Variants in LIN28B observed in about 807,000 individuals in gnomAD.
LIN28B encodes the protein protein lin-28 homolog B.
A neutral mutation model predicts 21.9 loss-of-function variants in LIN28B; 5 were observed. That is an observed-to-expected ratio of 0.23 (90% CI 0.12 to 0.48). The LOEUF (loss-of-function observed/expected upper bound fraction) is 0.48, where lower values mean the gene tolerates loss of function less well. Among genes scored for constraint, LIN28B ranks in the 20% least tolerant of loss-of-function variants. LIN28B has a pLI of 0.98. For missense variants in LIN28B, 245 were observed against 310.5 expected (o/e 0.79, Z 1.58); for synonymous variants, 109 against 111.3 (o/e 0.98, Z 0.13).
intron 2 of LIN28B, among the ~76,000 whole-genome samples, chr6:105,020,779 G>A (rs756642233): frequency 7.2e-5 from 8 of 110,952 alleles, no homozygotes; most frequent in Non-Finnish European, 1.3e-4. Flanking sequence ...TTGAGACGAA[G>A]TCTCGCTCTG....
chr6:105,043,169 A>G (rs1471072050), intron 3 of LIN28B, among the ~76,000 whole-genome samples: 4 of 151,972 alleles, frequency 2.6e-5, no homozygotes, highest in Non-Finnish European at 5.9e-5. Context: ...GCTCATGCCT[A>G]TAATCCCAGC....
upstream of LIN28B, among the ~76,000 whole-genome samples, chr6:104,956,444 CA>C (rs1196676315): frequency 6.6e-6 from 1 of 152,096 alleles, no homozygotes; most frequent in African/African-American, 2.4e-5. Flanking sequence ...TACCTAAACA[CA>C]ATTTGACTAT....
intron 3 of LIN28B, among the ~76,000 whole-genome samples, chr6:105,053,390 TGTGTG>T (rs1295932295): frequency 2.0e-5 from 3 of 151,296 alleles, no homozygotes; most frequent in Non-Finnish European, 3.0e-5. Context: ...ATGGTGTGTG[TGTGTG>T]TGTGTGTGTG....
At chr6:104,992,514 G>GTGTGTGTGT (rs1221284024) in intron 2 of LIN28B, among the ~76,000 whole-genome samples, 1 of 139,602 alleles carries the variant, frequency 7.2e-6, no homozygotes, top group Non-Finnish European at 1.5e-5. Flanking sequence ...GTGTGTGTGT[G>GTGTGTGTGT]TTTTTTTTTT....
intron 2 of LIN28B, among the ~76,000 whole-genome samples, chr6:104,962,943 C>G (rs942239410): frequency 1.3e-5 from 2 of 152,092 alleles, no homozygotes; most frequent in Admixed American, 6.5e-5. Context: ...TGGTTTATAA[C>G]CTACCAGATT....
chr6:105,068,364 C>A lies in LIN28B; in HGVS notation c.384-10050C>A, dbSNP rs1149284. On this transcript the variant is annotated intron_variant, in intron 3 of 3. Transcript: ENST00000345080. ...AATGAATATTATAAGCAGTTGAATC[C>A]ACTAGCAGACAATGTGTCTAGTTAA... Among the ~76,000 whole-genome samples, 843 of 152,232 alleles carry A rather than the reference C, an allele frequency of 5.5e-3. 9 individuals carry two copies. The highest frequency in any genetic ancestry group is 0.019 in the African/African-American group (806 of 41,550).
chr6:104,956,436 C>T (rs1041501636), upstream of LIN28B, among the ~76,000 whole-genome samples: 5 of 152,122 alleles, frequency 3.3e-5, no homozygotes, highest in African/African-American at 9.7e-5. Context: ...AAATGGTTTA[C>T]CTAAACACAA....
At chr6:105,029,337 C>CGATT (rs1771368343) in intron 3 of LIN28B, among the ~76,000 whole-genome samples, 1 of 152,034 alleles carries the variant, frequency 6.6e-6, no homozygotes, top group Admixed American at 6.6e-5. Context: ...GAGAGGAGAA[C>CGATT]GATTACTGGA....
intron 2 of LIN28B, among the ~76,000 whole-genome samples, chr6:104,969,960 T>C (rs965665912): frequency 6.6e-6 from 1 of 152,166 alleles, no homozygotes; most frequent in African/African-American, 2.4e-5. Context: ...AGTATACAGC[T>C]CTGGTTCAGG....
chr6:105,052,819 A>T (rs1394308794), intron 3 of LIN28B, among the ~76,000 whole-genome samples: 1 of 151,942 alleles, frequency 6.6e-6, no homozygotes, highest in Non-Finnish European at 1.5e-5. Context: ...TTCATTTTTT[A>T]AAAATCCTTT....
intron 3 of LIN28B, among the ~76,000 whole-genome samples, chr6:105,053,722 T>TGTGTGTGTGA (rs1375353524): frequency 4.0e-5 from 6 of 151,558 alleles, no homozygotes; most frequent in African/African-American, 1.5e-4. Context: ...TGCGTGTGTG[T>TGTGTGTGTGA]GTGTGTGTGT....
At chr6:105,027,236 A>T (rs191059120) in intron 3 of LIN28B, among the ~76,000 whole-genome samples, 60 of 152,236 alleles carry the variant, frequency 3.9e-4, no homozygotes, top group African/African-American at 1.4e-3. Flanking sequence ...TTCAATACCT[A>T]GTTCTAAACT....
chr6:105,042,454 T>C (rs1771657699), intron 3 of LIN28B, among the ~76,000 whole-genome samples: 1 of 152,222 alleles, frequency 6.6e-6, no homozygotes. Context: ...TATGTTTCTT[T>C]ACTTTTTTCC....
chr6:104,956,326 G>A (rs972204336), upstream of LIN28B, among the ~76,000 whole-genome samples: 2 of 152,080 alleles, frequency 1.3e-5, no homozygotes, highest in African/African-American at 4.8e-5. Flanking sequence ...AAACTGGGCT[G>A]TTATTTAGGA....
chr6:104,996,000 A>G (rs2114280096), intron 2 of LIN28B, among the ~76,000 whole-genome samples: 1 of 151,242 alleles, frequency 6.6e-6, no homozygotes, highest in African/African-American at 2.4e-5. Context: ...ATATATACAT[A>G]CCCCACTAGA....
chr6:105,011,344 C>A (rs1770918272), intron 2 of LIN28B, among the ~76,000 whole-genome samples: 1 of 152,162 alleles, frequency 6.6e-6, no homozygotes, highest in Admixed American at 6.5e-5. Flanking sequence ...ACACATGTCA[C>A]AATGCCTGGC....
chr6:105,020,557 A>G (rs924687765), intron 2 of LIN28B, among the ~76,000 whole-genome samples: 5 of 151,840 alleles, frequency 3.3e-5, no homozygotes, highest in African/African-American at 1.2e-4. Flanking sequence ...GAGCTCAAGC[A>G]GTCTACCTCC....
chr6:104,997,280 CA>C (rs767052570), intron 2 of LIN28B, among the ~76,000 whole-genome samples: 174 of 60,634 alleles, frequency 2.9e-3, no homozygotes, highest in East Asian at 0.02. Flanking sequence ...GACTCCGTCT[CA>C]AAAAAAAAAA....
intron 3 of LIN28B, among the ~76,000 whole-genome samples, chr6:105,052,279 T>C (rs1771922409): frequency 1.3e-5 from 2 of 152,156 alleles, no homozygotes; most frequent in Admixed American, 6.5e-5. Context: ...CTTGGTGAGA[T>C]GGTGTCTTAG....
Sources: allele counts gnomAD v4.1 joint callset (sites outside exome capture counted in the v4.1 genomes callset), GRCh38; gene constraint gnomAD v4.1.1; transcripts MANE v1.5; gene names NCBI Gene and HGNC (gene_info 2026-07-23, HGNC 2026-07-21).